IQUB: variants seen among roughly 807,000 people sequenced by gnomAD.
IQUB encodes IQ motif and ubiquitin domain containing.
In IQUB, 86 loss-of-function variants were observed where a neutral mutation model predicts 86.4. That is an observed-to-expected ratio of 1.00 (90% CI 0.84 to 1.19). IQUB has a LOEUF of 1.19. Ranked by LOEUF, IQUB falls within the 50% of genes most tolerant of loss-of-function variation. The probability of loss-of-function intolerance (pLI) is 0.00; values close to 1 mark genes in which losing one functional copy is unlikely to be tolerated. For missense variants in IQUB, 946 were observed against 916.9 expected (o/e 1.03, Z -0.41); for synonymous variants, 289 against 304.5 (o/e 0.95, Z 0.53).
In IQUB at chr7:123,464,896, C is replaced by A. The variant is rs138866231; in HGVS notation, c.1695G>T (p.Ala565=). ...HNLEGLRKRI[A]TLFFHYIKTP... ...TTTTGATATAATGAAAAAAGAGTGT[C>A]GCAATTCTTTTTCTGAGTCCTTCAA... The change falls in exon 10 of 13, where the codon GCG becomes GCT. Residue 565 remains alanine (A), a synonymous_variant. Transcript: ENST00000324698. 6.2e-7 allele frequency: 1 copy of A among 1,607,108 alleles called. No individual in the cohort carries two copies. Among genetic ancestry groups the A allele is most frequent in the South Asian group, 1.1e-5 (1 of 89,754 alleles).
At chr7:123,506,524 A>G (rs535274340) in intron 3 of IQUB, among the ~76,000 whole-genome samples, 5 of 152,266 alleles carry the variant, frequency 3.3e-5, no homozygotes, top group African/African-American at 9.6e-5. Flanking sequence ...AAAGGTGAAG[A>G]AGGAGGCACG....
At chr7:123,527,703 C>T (rs1166794757) in intron 1 of IQUB, among the ~76,000 whole-genome samples, 3 of 152,114 alleles carry the variant, frequency 2.0e-5, no homozygotes, top group East Asian at 1.9e-4. Flanking sequence ...CTGGGAGAAC[C>T]ACTGCTCTCT....
intron 1 of IQUB, among the ~76,000 whole-genome samples, chr7:123,516,499 G>A (rs1490834529): frequency 6.6e-6 from 1 of 152,094 alleles, no homozygotes; most frequent in Non-Finnish European, 1.5e-5. Flanking sequence ...AGAAGAAAGA[G>A]GAAGAGGAGG....
At chr7:123,510,644 A>G (rs891574868) in intron 2 of IQUB, among the ~76,000 whole-genome samples, 1 of 152,158 alleles carries the variant, frequency 6.6e-6, no homozygotes, top group African/African-American at 2.4e-5. Context: ...TATAGAATAA[A>G]GACTGTGGAT....
At chr7:123,520,366 G>T (rs1309836723) in intron 1 of IQUB, among the ~76,000 whole-genome samples, 4 of 152,082 alleles carry the variant, frequency 2.6e-5, no homozygotes, top group Non-Finnish European at 5.9e-5. Flanking sequence ...ATATACATTG[G>T]ATCAGATAAA....
chr7:123,484,422 T>C (rs1448570667), intron 7 of IQUB, among the ~76,000 whole-genome samples: 3 of 151,648 alleles, frequency 2.0e-5, no homozygotes, highest in African/African-American at 4.8e-5. Flanking sequence ...ACTGAGACAA[T>C]TTATCCGATA....
chr7:123,480,322 A>G (rs1794949945), intron 7 of IQUB, among the ~76,000 whole-genome samples: 1 of 152,122 alleles, frequency 6.6e-6, no homozygotes, highest in South Asian at 2.1e-4. Context: ...ACTTGTCACA[A>G]CGGGTAAAGG....
In IQUB at chr7:123,473,408, G is replaced by A. The variant is rs181246463; in HGVS notation, c.1411-4024C>T. On this transcript the variant is annotated intron_variant, in intron 8 of 12. Coordinates refer to ENST00000324698, the MANE Select transcript of IQUB (RefSeq NM_178827.5). The stretch of plus-strand genomic sequence containing the variant: ...TCAACAGGCATCAAATAAATAAATG[G>A]CCTTGACTCAAGGAAAAACATCTTA... 3.2e-3 allele frequency among the ~76,000 whole-genome samples: 482 copies of A among 152,236 alleles called. 5 individuals are homozygous for A. Among genetic ancestry groups the A allele is most frequent in the Non-Finnish European group, 4.5e-3 (304 of 68,020 alleles).
rs147671025 is a variant in IQUB, at chr7:123,460,917, T to C, written c.2007+440A>G. 4.7e-4 allele frequency among the ~76,000 whole-genome samples: 72 copies of C among 151,718 alleles called. 1 individual carries two copies. The highest frequency in any genetic ancestry group is 1.3e-3 in the African/African-American group (54 of 41,434). On this transcript the variant is annotated intron_variant, in intron 11 of 12. Transcript: ENST00000324698. ...GAACTCTGGCCAGAAACTTTCCAGT[T>C]GTGTGGTATCATATCAACACTTTAC...
At position 123,484,560 on chromosome 7, in the gene IQUB, T is replaced by C. The variant is rs190742780; in HGVS notation, c.1235-4590A>G. 1.1e-4 allele frequency among the ~76,000 whole-genome samples: 16 copies of C among 152,206 alleles called. No homozygotes were observed. The East Asian group carries it at 2.7e-3, about 26-fold the overall frequency. On this transcript the variant is annotated intron_variant, in intron 7 of 12. Coordinates refer to ENST00000324698, the MANE Select transcript of IQUB (RefSeq NM_178827.5). ...GCAATCCTATTTTATTTCCCAGTTTTACAATAGAAACCTTTAGAATCAATA... is the reference window on the plus strand; with the variant it reads ...GCAATCCTATTTTATTTCCCAGTTTCACAATAGAAACCTTTAGAATCAATA...
chr7:123,499,884 A>G (rs1449584828), intron 6 of IQUB, among the ~76,000 whole-genome samples: 4 of 152,308 alleles, frequency 2.6e-5, no homozygotes, highest in African/African-American at 4.8e-5. Context: ...AGGTCAGTAC[A>G]AGATACAAGT....
At chr7:123,527,994 C>T (rs980138720) in intron 1 of IQUB, among the ~76,000 whole-genome samples, 8 of 152,224 alleles carry the variant, frequency 5.3e-5, no homozygotes, top group Non-Finnish European at 7.3e-5. Context: ...CCCTCCGAGC[C>T]GGGTGGGGGA....
intron 1 of IQUB, among the ~76,000 whole-genome samples, chr7:123,519,067 CA>C (rs1222648586): frequency 6.6e-6 from 1 of 152,026 alleles, no homozygotes; most frequent in Non-Finnish European, 1.5e-5. Context: ...AAATACTCAA[CA>C]TCAATAATAA....
At chr7:123,489,723 CAT>C (rs1471669337) in intron 7 of IQUB, among the ~76,000 whole-genome samples, 1 of 149,916 alleles carries the variant, frequency 6.7e-6, no homozygotes, top group Non-Finnish European at 1.5e-5. Flanking sequence ...CAAAAAAAAA[CAT>C]AAGAGATAAA....
At chr7:123,469,494 G>A (rs1794431428) in intron 8 of IQUB, 110 bp from the exon 9 acceptor site, 1 of 512,608 alleles carries the variant, frequency 2.0e-6, no homozygotes, top group East Asian at 3.3e-5. Flanking sequence ...TATAACTAAA[G>A]TATTGCTAAA....
intron 12 of IQUB, among the ~76,000 whole-genome samples, chr7:123,453,344 G>A (rs1325444044): frequency 6.8e-6 from 1 of 146,130 alleles, no homozygotes; most frequent in East Asian, 2.0e-4. Flanking sequence ...AACAAAACAA[G>A]GGAAGTCTGA....
Position 123,531,427 on chromosome 7 carries a change from AC to A in IQUB, c.-5+3064del, listed in dbSNP as rs570446198. On this transcript the variant is annotated intron_variant, in intron 1 of 12. Coordinates refer to ENST00000324698, the MANE Select transcript of IQUB (RefSeq NM_178827.5). ...GACACATAAATCATTGTTGAAAAAA[AC>A]CGTAAAACATAATGCTGGGTATTTA... 2.0e-5 allele frequency among the ~76,000 whole-genome samples: 3 copies of A among 152,172 alleles called. No homozygotes were observed. In the South Asian group the frequency reaches 6.2e-4, roughly 31 times the overall value.
chr7:123,482,074 G>C (rs963149541), intron 7 of IQUB, among the ~76,000 whole-genome samples: 1 of 151,744 alleles, frequency 6.6e-6, no homozygotes. Context: ...ACATAAAACT[G>C]GGGGGGAGAA....
intron 1 of IQUB, among the ~76,000 whole-genome samples, chr7:123,527,770 TTGTC>T (rs1797317161): frequency 6.6e-6 from 1 of 152,102 alleles, no homozygotes; most frequent in African/African-American, 2.4e-5. Flanking sequence ...GTCTTTTTGT[TTGTC>T]TGTGCCCTGC....
Sources: gnomAD v4.1 joint callset for allele counts (sites outside exome capture counted in the v4.1 genomes callset) on GRCh38, gnomAD v4.1.1 for gene constraint, MANE v1.5 for transcripts, NCBI Gene and HGNC (gene_info 2026-07-23, HGNC 2026-07-21) for gene names.